GALNT18: variants seen among roughly 807,000 people sequenced by gnomAD.
The protein encoded by GALNT18 is GalNAc-transferase 18.
Under a neutral mutation model 69.5 loss-of-function variants are expected in GALNT18, and 44 were observed. The observed-to-expected ratio is 0.63, with a 90% CI of 0.50 to 0.81. The LOEUF is 0.81. Ranked by LOEUF, GALNT18 falls within the 40% of genes least tolerant of loss-of-function variation. The pLI is 0.00. For missense variants in GALNT18, 715 were observed against 810.0 expected, an observed-to-expected ratio of 0.88 and a Z score of 1.42; for synonymous variants, 364 against 318.2, an observed-to-expected ratio of 1.14 and a Z score of -1.53.
At chr11:11,274,217 C>T (rs748538830) in intron 10 of GALNT18, among the ~76,000 whole-genome samples, 7 of 152,200 alleles carry the variant, frequency 4.6e-5, no homozygotes, top group Non-Finnish European at 1.0e-4. Flanking sequence ...TCTATACCAC[C>T]ATGGTTCTGG....
chr11:11,555,181 G>A lies in GALNT18; in HGVS notation c.235+66178C>T, dbSNP rs1285748862. ...ATGAGTCCTGCTCAGGATCCCTGAT[G>A]GGCTGCTCAGGGCGGGGGTGCCTAT... On this transcript the variant is annotated intron_variant, in intron 1 of 10. Transcript: ENST00000227756. The surrounding 1 kb of genome is among the most constrained non-coding windows in gnomAD (Gnocchi z 4.7). Among the ~76,000 whole-genome samples, 1 of 152,148 alleles carries A rather than the reference G, an allele frequency of 6.6e-6. No homozygotes were observed. Among genetic ancestry groups the A allele is most frequent in the Admixed American group, 6.5e-5 (1 of 15,288 alleles).
intron 5 of GALNT18, among the ~76,000 whole-genome samples, chr11:11,374,966 T>A (rs1853707572): frequency 6.6e-6 from 1 of 152,228 alleles, no homozygotes; most frequent in Non-Finnish European, 1.5e-5. Flanking sequence ...AAATGTCATA[T>A]TAATTGATTC....
chr11:11,481,288 TC>T lies in GALNT18; in HGVS notation c.236-32353del, dbSNP rs1408298052. Among the ~76,000 whole-genome samples, 3 of 8,746 alleles carry T rather than the reference TC, an allele frequency of 3.4e-4. No homozygotes were observed. The Admixed American group carries it at 6.9e-3, about 20-fold the overall frequency. 5.7% of individuals were successfully genotyped at this position (8,746 alleles called of 152,430 possible). ...AGCTACACCTCTACATGCCCTGTGC[TC>T]CTCGCTGAGCATGAATCCCTCCTCG... On this transcript the variant is annotated intron_variant, in intron 1 of 10. Transcript: ENST00000227756.
chr11:11,410,067 G>A (rs370974622), intron 3 of GALNT18, among the ~76,000 whole-genome samples: 16 of 152,128 alleles, frequency 1.1e-4, no homozygotes, highest in African/African-American at 2.7e-4. Flanking sequence ...CTCTCTGGAC[G>A]GGGCTCCCTG....
At chr11:11,408,325 A>T (rs556951356) in intron 3 of GALNT18, among the ~76,000 whole-genome samples, 1 of 146,860 alleles carries the variant, frequency 6.8e-6, no homozygotes, top group South Asian at 2.2e-4. Flanking sequence ...AGATCGTGGC[A>T]CAGCACTCCA....
chr11:11,301,958 G>C (rs999432859), intron 9 of GALNT18, among the ~76,000 whole-genome samples: 30 of 152,204 alleles, frequency 2.0e-4, no homozygotes, highest in African/African-American at 4.8e-5. Context: ...ACCTGGGGCT[G>C]TCAGTGAGTA....
At chr11:11,363,641 T>C (rs991330065) in intron 6 of GALNT18, among the ~76,000 whole-genome samples, 5 of 152,188 alleles carry the variant, frequency 3.3e-5, no homozygotes, top group Admixed American at 2.6e-4. Context: ...AGAAAGATCA[T>C]CATGAATGCC....
intron 3 of GALNT18, among the ~76,000 whole-genome samples, chr11:11,385,590 C>T (rs573092045): frequency 8.5e-5 from 13 of 152,138 alleles, no homozygotes; most frequent in Non-Finnish European, 1.3e-4. Context: ...CCACCATGCC[C>T]GGCCTATTGG....
rs1008472214 is a variant in GALNT18, at chr11:11,604,535, A to G, written c.235+16824T>C. ...AGCACCAGGATTTGAGGCAAGTCCA[A>G]GTGACTCCAGACCCCGCCTGGCACC... On this transcript the variant is annotated intron_variant, in intron 1 of 10. Coordinates refer to ENST00000227756, the MANE Select transcript of GALNT18 (RefSeq NM_198516.3). This position sits in a 1 kb window ranked among gnomAD's most constrained non-coding sequence, Gnocchi z 5.6. Among the ~76,000 whole-genome samples, 1 of 152,208 alleles carries G rather than the reference A, an allele frequency of 6.6e-6. No individual in the cohort carries two copies. Among genetic ancestry groups the G allele is most frequent in the South Asian group, 2.1e-4 (1 of 4,830 alleles).
At chr11:11,433,783 G>A (rs573455589) in intron 2 of GALNT18, among the ~76,000 whole-genome samples, 2 of 152,268 alleles carry the variant, frequency 1.3e-5, no homozygotes, top group Admixed American at 1.3e-4. Context: ...GATACTAAAT[G>A]CTGTTCTAGA....
intron 10 of GALNT18, among the ~76,000 whole-genome samples, chr11:11,284,477 G>T (rs1374825865): frequency 1.3e-5 from 2 of 152,170 alleles, no homozygotes; most frequent in Non-Finnish European, 2.9e-5. Context: ...GAGACCACAA[G>T]CTATGACCCC....
At chr11:11,559,563 T>A (rs944003709) in intron 1 of GALNT18, among the ~76,000 whole-genome samples, 3 of 151,434 alleles carry the variant, frequency 2.0e-5, no homozygotes, top group South Asian at 2.1e-4. Flanking sequence ...TGGGATGGGA[T>A]GGGATAGGAC....
rs1850205866 is a variant in GALNT18, at chr11:11,341,459, T to A, written c.1093-455A>T. 6.6e-6 allele frequency among the ~76,000 whole-genome samples: 1 copy of A among 152,022 alleles called. No individual in the cohort carries two copies. Among genetic ancestry groups the A allele is most frequent in the African/African-American group, 2.4e-5 (1 of 41,386 alleles). On this transcript the variant is annotated intron_variant, in intron 6 of 10. Transcript: ENST00000227756. The surrounding 1 kb of genome is among the most constrained non-coding windows in gnomAD (Gnocchi z 6.3). ...GGACCACATGGGCCTGGACAAGAATTAGTGATCACCACAGAGAAGGGTGTC... is the reference window on the plus strand; with the variant it reads ...GGACCACATGGGCCTGGACAAGAATAAGTGATCACCACAGAGAAGGGTGTC...
rs1219088852 is a variant in GALNT18 at position 11,332,006 on chromosome 11, T to C, written c.1416+688A>G. 6.6e-6 allele frequency among the ~76,000 whole-genome samples: 1 copy of C among 152,116 alleles called. No individual in the cohort carries two copies. The highest frequency in any genetic ancestry group is 1.5e-5 in the Non-Finnish European group (1 of 68,014). On this transcript the variant is annotated intron_variant, in intron 8 of 10. Transcript: ENST00000227756. This position sits in a 1 kb window ranked among gnomAD's most constrained non-coding sequence, Gnocchi z 4.3. The stretch of plus-strand genomic sequence containing the variant: ...GTCTAAGGTTACATATCTACAAATC[T>C]TAGATTTTCTTTTACTCTACGGGGA...
At chr11:11,504,630 C>T (rs1022481967) in intron 1 of GALNT18, among the ~76,000 whole-genome samples, 5 of 152,008 alleles carry the variant, frequency 3.3e-5, no homozygotes, top group African/African-American at 9.7e-5. Flanking sequence ...TGGTGGTATG[C>T]ACCTGTAGTC....
rs186424944 is a variant in GALNT18 at position 11,402,424 on chromosome 11, C to A, written c.596-23160G>T. Among the ~76,000 whole-genome samples the A allele has an allele frequency of 9.2e-5, 14 of 152,350 alleles. 1 individual carries two copies. The East Asian group carries it at 2.7e-3, about 29-fold the overall frequency. ...ACTGCTTTTATCTTATTGAACCAGG[C>A]TTTGATGGTGGGTGGCTTCCTCTGA... On this transcript the variant is annotated intron_variant, in intron 3 of 10. Transcript: ENST00000227756. This position sits in a 1 kb window ranked among gnomAD's most constrained non-coding sequence, Gnocchi z 4.0.
At chr11:11,560,127 G>GGTGGAATAGA (rs1858449510) in intron 1 of GALNT18, among the ~76,000 whole-genome samples, 3 of 151,254 alleles carry the variant, frequency 2.0e-5, no homozygotes, top group Non-Finnish European at 3.0e-5. Flanking sequence ...AATGGGATGG[G>GGTGGAATAGA]ATGGGATAGA....
chr11:11,470,847 C>T lies in GALNT18; in HGVS notation c.236-21911G>A, dbSNP rs1856251560. Among the ~76,000 whole-genome samples the T allele has an allele frequency of 6.6e-6, 1 of 152,146 alleles. No individual in the cohort carries two copies. On this transcript the variant is annotated intron_variant, in intron 1 of 10. Coordinates refer to ENST00000227756, the MANE Select transcript of GALNT18 (RefSeq NM_198516.3). This position sits in a 1 kb window ranked among gnomAD's most constrained non-coding sequence, Gnocchi z 4.8. ...ATTCTTAGCCTCTGACCATCTGTGG[C>T]CCCAGGACACTACTGTGCTCAGTGG...
intron 3 of GALNT18, among the ~76,000 whole-genome samples, chr11:11,424,482 T>C (rs1855081729): frequency 6.6e-6 from 1 of 152,198 alleles, no homozygotes; most frequent in African/African-American, 2.4e-5. Flanking sequence ...GAAGTGGAGA[T>C]GGTGACCACA....
Sources: allele counts gnomAD v4.1 joint callset (sites outside exome capture counted in the v4.1 genomes callset), GRCh38; gene constraint gnomAD v4.1.1; non-coding constraint Gnocchi (gnomAD v3.1); transcripts MANE v1.5; gene names NCBI Gene and HGNC (gene_info 2026-07-23, HGNC 2026-07-21).